The following COL9A1 variants were observed in gnomAD, a reference collection of about 807,000 sequenced individuals.
COL9A1 encodes the protein collagen type IX alpha 1 chain, also known as collagen alpha-1(IX) chain.
A neutral mutation model predicts 142.6 loss-of-function variants in COL9A1; 104 were observed. The observed-to-expected ratio is 0.73, with a 90% CI of 0.62 to 0.86. The LOEUF (loss-of-function observed/expected upper bound fraction) is 0.86, where lower values mean the gene tolerates loss of function less well. COL9A1 is among the 40% of genes least tolerant of loss of function. The pLI is 0.00. For synonymous variants in COL9A1, 466 were observed against 396.0 expected (o/e 1.18, Z -2.10); for missense variants, 1,210 against 1,176.6 (o/e 1.03, Z -0.42).
intron 19 of COL9A1, among the ~76,000 whole-genome samples, chr6:70,262,588 A>G (rs967472767): frequency 6.6e-6 from 1 of 152,196 alleles, no homozygotes; most frequent in Non-Finnish European, 1.5e-5. Context: ...ATATTCTTCA[A>G]TTATTATTTC....
intron 20 of COL9A1, among the ~76,000 whole-genome samples, chr6:70,258,145 A>T (rs1006293535): frequency 4.6e-5 from 7 of 152,204 alleles, no homozygotes; most frequent in Non-Finnish European, 1.0e-4. Context: ...TGATATTAAG[A>T]TCTTAAAAAG....
At chr6:70,296,409 T>G (rs993944494) in intron 4 of COL9A1, among the ~76,000 whole-genome samples, 1 of 152,118 alleles carries the variant, frequency 6.6e-6, no homozygotes, top group African/African-American at 2.4e-5. Flanking sequence ...TTTTAAAATA[T>G]TCAATATGGA....
chr6:70,280,255 A>C, intron 10 of COL9A1: 1 of 1,229,188 alleles, frequency 8.1e-7, no homozygotes, highest in Non-Finnish European at 1.0e-6. Flanking sequence ...ACGAAAATCT[A>C]GTTTTGAATT....
intron 33 of COL9A1, among the ~76,000 whole-genome samples, chr6:70,236,823 CTTT>C (rs1238451064): frequency 6.8e-6 from 1 of 146,230 alleles, no homozygotes; most frequent in Non-Finnish European, 1.5e-5. Context: ...GTAACAACTT[CTTT>C]TTTTTTTTTT....
chr6:70,260,613 A>T, intron 20 of COL9A1, 44 bp downstream of exon 20: 1 of 1,569,952 alleles, frequency 6.4e-7, no homozygotes, highest in Non-Finnish European at 8.7e-7. Flanking sequence ...AATTTTAAAT[A>T]TTTAACACAT....
At position 70,216,202 on chromosome 6, in the gene COL9A1, A is replaced by G. The variant is rs1181396673; in HGVS notation, c.*695T>C. On this transcript the variant is annotated 3_prime_UTR_variant, in exon 38 of 38. Transcript: ENST00000357250. Reference sequence around the variant, plus strand: ...AACCTTTAAAATAAATAATCTCATCAATAAAATTTATGAATGCCAGAGTAT... The same window carrying G: ...AACCTTTAAAATAAATAATCTCATCGATAAAATTTATGAATGCCAGAGTAT... The G allele has an allele frequency of 6.6e-6, 1 of 152,660 alleles. No homozygotes were observed. The highest frequency in any genetic ancestry group is 2.4e-5 in the African/African-American group (1 of 41,452). 9.5% of individuals were successfully genotyped at this position (152,660 alleles called of 1,614,324 possible).
At chr6:70,293,631 T>TCACACACACACACA (rs3222430) in intron 5 of COL9A1, among the ~76,000 whole-genome samples, 17 of 137,868 alleles carry the variant, frequency 1.2e-4, no homozygotes, top group East Asian at 4.2e-4. Context: ...TCTCTCTCTT[T>TCACACACACACACA]CACACACACA....
chr6:70,285,991 C>T lies in COL9A1; in HGVS notation c.697-2171G>A, dbSNP rs11752917. Among the ~76,000 whole-genome samples the T allele has an allele frequency of 9.2e-5, 14 of 152,224 alleles. No homozygotes were observed. In the East Asian group the frequency reaches 2.5e-3, roughly 27 times the overall value. ...GCAGCCTCCACCTCCTGGGTTCAGG[C>T]GATTCTCCTGCCTCAGCCTCCCGAG... On this transcript the variant is annotated intron_variant, in intron 5 of 37. Transcript: ENST00000357250.
At chr6:70,267,853 C>A (rs1453971232) in intron 17 of COL9A1, among the ~76,000 whole-genome samples, 1 of 152,168 alleles carries the variant, frequency 6.6e-6, no homozygotes, top group Non-Finnish European at 1.5e-5. Flanking sequence ...CAGGCTGAAT[C>A]TTCTGCAGTT....
At chr6:70,285,580 A>C (rs928477093) in intron 5 of COL9A1, among the ~76,000 whole-genome samples, 4 of 152,252 alleles carry the variant, frequency 2.6e-5, no homozygotes, top group African/African-American at 9.6e-5. Flanking sequence ...CAACTAATTT[A>C]GTCCTTTAGT....
intron 28 of COL9A1, among the ~76,000 whole-genome samples, chr6:70,250,806 G>A (rs1421902270): frequency 1.3e-5 from 2 of 152,222 alleles, no homozygotes; most frequent in African/African-American, 4.8e-5. Context: ...AAATTTAAGT[G>A]TATAATATTT....
chr6:70,231,412 A>G (rs1439829875), intron 36 of COL9A1, among the ~76,000 whole-genome samples: 2 of 152,172 alleles, frequency 1.3e-5, no homozygotes, highest in African/African-American at 4.8e-5. Flanking sequence ...GACTCTTTCA[A>G]AGAAAATGTT....
At chr6:70,262,330 A>T (rs1771740935) in intron 19 of COL9A1, among the ~76,000 whole-genome samples, 1 of 152,196 alleles carries the variant, frequency 6.6e-6, no homozygotes, top group Non-Finnish European at 1.5e-5. Context: ...GTGGCTTGAA[A>T]GCAGAGACCA....
At position 70,294,247 on chromosome 6, in the gene COL9A1, T is replaced by C. The variant is rs756647529; in HGVS notation, c.616A>G (p.Ile206Val). ...ATGTCAATTGGGCCTCTTGGCTTTA[T>C]AGGTAAAGATTCAATCCTGTTGCAG... ...VDCNRIESLP[I>V]KPRGPIDIDG... The change falls in exon 5 of 38, where the codon ATA (isoleucine) becomes GTA (valine). Residue 206 changes from isoleucine (I) to valine (V), a missense_variant. Physicochemically the swap from Ile to Val is conservative, Grantham distance 29 (BLOSUM62 3). Coordinates refer to ENST00000357250, the MANE Select transcript of COL9A1 (RefSeq NM_001851.6). 2 of 1,614,096 alleles carry C rather than the reference T, an allele frequency of 1.2e-6. No homozygotes were observed. Among genetic ancestry groups the C allele is most frequent in the Admixed American group, 1.7e-5 (1 of 60,008 alleles).
Position 70,216,649 on chromosome 6 carries a change from GT to G in COL9A1, c.*247del, listed in dbSNP as rs886061694. ...TAAATTTATTCAAGGGAGGTGTTTG[GT>G]TTTCTTTTTTTTTTTTTAACTGATG... On this transcript the variant is annotated 3_prime_UTR_variant, in exon 38 of 38. Transcript: ENST00000357250. The G allele has an allele frequency of 3.8e-6, 2 of 521,592 alleles. No individual in the cohort carries two copies. The highest frequency in any genetic ancestry group is 6.8e-6 in the Non-Finnish European group (2 of 292,890). 32.3% of individuals were successfully genotyped at this position (521,592 alleles called of 1,614,324 possible). A position where few individuals can be genotyped will look rare whatever the true frequency, so the allele number is the denominator to read the frequency against.
rs140274454 is a variant in COL9A1 at position 70,302,051 on chromosome 6, A to G, written c.38T>C (p.Val13Ala). 6.7e-5 allele frequency: 108 copies of G among 1,611,864 alleles called. No homozygotes were observed. In the African/African-American group the frequency reaches 1.2e-3, roughly 19 times the overall value. Residue 13 changes from valine (V) to alanine (A), a missense_variant, in exon 2 of 38, where the codon GTG (valine) becomes GCG (alanine). Transcript: ENST00000357250. ...TGCCCAGGGTTCCAGGAAACTGCACACAAAGAAGAAAACTGGAATTTTCCT... is the reference window on the plus strand; with the variant it reads ...TGCCCAGGGTTCCAGGAAACTGCACGCAAAGAAGAAAACTGGAATTTTCCT... ...TCWKIPVFFF[V>A]CSFLEPWASA...
At chr6:70,263,416 C>A in intron 18 of COL9A1, 119 bp from the exon 19 acceptor site, 1 of 747,960 alleles carries the variant, frequency 1.3e-6, no homozygotes. Context: ...CTGAATTATT[C>A]TACTTTCTTA....
intron 14 of COL9A1, among the ~76,000 whole-genome samples, chr6:70,271,421 G>A (rs1050393397): frequency 4.6e-5 from 7 of 152,088 alleles, no homozygotes; most frequent in African/African-American, 1.7e-4. Flanking sequence ...TCTCTTACTT[G>A]ACAATCTGGA....
rs757813161 is a variant in COL9A1, at chr6:70,267,327, G to GGTTTTTTTTTTT, written c.1288-558_1288-557insAAAAAAAAAAAC. ...TTGTTGTTGTTTGTTTGGTTTTTTT[G>GGTTTTTTTTTTT]TTTTTTTTTTTTGAGATGGAGCTTC... On this transcript the variant is annotated intron_variant, in intron 17 of 37. Transcript: ENST00000357250. 7.1e-4 allele frequency among the ~76,000 whole-genome samples: 90 copies of GGTTTTTTTTTTT among 127,034 alleles called. 3 individuals carry two copies. Among genetic ancestry groups the GGTTTTTTTTTTT allele is most frequent in the African/African-American group, 2.4e-3 (82 of 33,642 alleles). The allele number at this position is 127,034 out of a possible 152,430, so 83.3% of individuals were successfully genotyped here. A position where few individuals can be genotyped will look rare whatever the true frequency, so the allele number is the denominator to read the frequency against.
Sources: allele counts gnomAD v4.1 joint callset (sites outside exome capture counted in the v4.1 genomes callset), GRCh38; gene constraint gnomAD v4.1.1; transcripts MANE v1.5; gene names NCBI Gene and HGNC (gene_info 2026-07-23, HGNC 2026-07-21).